Variants in C8orf34 observed in about 807,000 individuals in gnomAD.
C8orf34 encodes uncharacterized protein C8orf34.
Under a neutral mutation model 68.3 loss-of-function variants are expected in C8orf34, and 65 were observed. The observed-to-expected ratio is 0.95, with a 90% CI of 0.78 to 1.17. C8orf34 has a LOEUF of 1.17. Among genes scored for constraint, C8orf34 ranks in the 50% most tolerant of loss-of-function variants. C8orf34 has a pLI of 0.00. For synonymous variants in C8orf34, 244 were observed against 241.2 expected, an observed-to-expected ratio of 1.01 and a Z score of -0.11; for missense variants, 664 against 655.4, an observed-to-expected ratio of 1.01 and a Z score of -0.14.
At chr8:68,743,747 T>C (rs2129527326) in intron 10 of C8orf34, among the ~76,000 whole-genome samples, 1 of 152,208 alleles carries the variant, frequency 6.6e-6, no homozygotes, top group East Asian at 1.9e-4. Context: ...CCACGGAGTC[T>C]CGCTGATTGC....
At chr8:68,593,009 C>T (rs1265996779) in intron 7 of C8orf34, among the ~76,000 whole-genome samples, 2 of 152,132 alleles carry the variant, frequency 1.3e-5, no homozygotes, top group Non-Finnish European at 2.9e-5. Flanking sequence ...CAAGTTACCT[C>T]TGTTAAATGT....
chr8:68,338,083 C>G (rs1267441613), intron 1 of C8orf34, among the ~76,000 whole-genome samples: 1 of 152,140 alleles, frequency 6.6e-6, no homozygotes, highest in African/African-American at 2.4e-5. Context: ...CTTTATTTCT[C>G]ACAGATCTGG....
chr8:68,567,348 G>A (rs1191045692), intron 7 of C8orf34, among the ~76,000 whole-genome samples: 1 of 151,880 alleles, frequency 6.6e-6, no homozygotes, highest in Non-Finnish European at 1.5e-5. Context: ...TTCCAAGCTA[G>A]GAAGGTTGTA....
chr8:68,665,053 C>G (rs565680886), intron 8 of C8orf34, among the ~76,000 whole-genome samples: 13 of 152,130 alleles, frequency 8.5e-5, no homozygotes, highest in Non-Finnish European at 1.9e-4. Flanking sequence ...AACGCTAATT[C>G]TCTTCTCCCA....
chr8:68,482,166 A>T (rs1812886230), intron 4 of C8orf34, among the ~76,000 whole-genome samples: 1 of 152,178 alleles, frequency 6.6e-6, no homozygotes, highest in Non-Finnish European at 1.5e-5. Context: ...TAGGTTTATC[A>T]GGAGTTTCTG....
At chr8:68,709,384 A>G (rs1164483394) in intron 9 of C8orf34, among the ~76,000 whole-genome samples, 1 of 152,214 alleles carries the variant, frequency 6.6e-6, no homozygotes, top group African/African-American at 2.4e-5. Flanking sequence ...ACTTGTCTTT[A>G]GAAACCCACA....
At chr8:68,661,471 C>T (rs1395715736) in intron 8 of C8orf34, among the ~76,000 whole-genome samples, 1 of 152,106 alleles carries the variant, frequency 6.6e-6, no homozygotes, top group East Asian at 1.9e-4. Flanking sequence ...CATGCAGACA[C>T]TTGAAGAGTG....
chr8:68,483,050 C>T (rs1812927893), intron 4 of C8orf34, among the ~76,000 whole-genome samples: 1 of 152,004 alleles, frequency 6.6e-6, no homozygotes, highest in African/African-American at 2.4e-5. Flanking sequence ...TGAATCGAAC[C>T]TACTTTTGTG....
Position 68,395,361 on chromosome 8 carries a change from T to TCA in C8orf34, c.328-44103_328-44102dup, listed in dbSNP as rs61037782. ...CTCTCTCTTTCTCTCTGTGTGTCTC[T>TCA]CACACACACACACACACACACACAC... is the stretch of plus-strand genomic sequence containing the variant. On this transcript the variant is annotated intron_variant, in intron 1 of 13. Coordinates refer to ENST00000518698, the MANE Select transcript of C8orf34 (RefSeq NM_052958.4). 9.1e-3 allele frequency among the ~76,000 whole-genome samples: 710 copies of TCA among 77,758 alleles called. 3 individuals carry two copies. Among genetic ancestry groups the TCA allele is most frequent in the African/African-American group, 0.023 (463 of 20,478 alleles). 51.0% of individuals were successfully genotyped at this position (77,758 alleles called of 152,430 possible).
intron 8 of C8orf34, among the ~76,000 whole-genome samples, chr8:68,670,722 TG>T (rs1332168378): frequency 3.9e-5 from 6 of 152,212 alleles, no homozygotes; most frequent in Non-Finnish European, 2.9e-5. Context: ...GGCCCTTCTT[TG>T]AGTCTCATAT....
Position 68,640,441 on chromosome 8 carries a change from C to T in C8orf34, c.1171C>T (p.Gln391Ter). The change falls in exon 8 of 14, where the codon CAA becomes TAA. Residue 391 changes from glutamine (Q) to a stop codon, truncating the protein, a stop_gained. Transcript: ENST00000518698. LOFTEE classifies it high-confidence loss of function. The stretch of plus-strand genomic sequence containing the variant: ...GGTACCTTCTGGGAGCAAATTTAAC[C>T]AAGGCCGTCCTACTTACCCTGCTGA... Reference protein sequence around the residue: ...TLVPSGSKFNQGRPTYPAEPQ... With the variant: ...TLVPSGSKFN The T allele has an allele frequency of 6.2e-7, 1 of 1,613,756 alleles. No individual in the cohort carries two copies. The highest frequency in any genetic ancestry group is 8.5e-7 in the Non-Finnish European group (1 of 1,179,820).
rs1586201685 is a variant in C8orf34 at position 68,467,558 on chromosome 8, T to C, written c.608-1134T>C. On this transcript the variant is annotated intron_variant, in intron 3 of 13. Transcript: ENST00000518698. ...ACTGCCTTTTGAGACTGTCTTTCAC[T>C]ATCTTCCCGAGAATTCCCTGTTCCT... 2.6e-5 allele frequency among the ~76,000 whole-genome samples: 4 copies of C among 152,110 alleles called. No homozygotes were observed. The Middle Eastern group carries it at 0.014, about 517-fold the overall frequency.
In C8orf34 at chr8:68,526,310, T is replaced by C. The variant is rs551904545; in HGVS notation, c.938+4339T>C. ...AGAGCATGCATTTAATTTCAGATCA[T>C]TGATGAAGTCATCTGGACAGGTTGA... On this transcript the variant is annotated intron_variant, in intron 6 of 13. Coordinates refer to ENST00000518698, the MANE Select transcript of C8orf34 (RefSeq NM_052958.4). 1.8e-4 allele frequency among the ~76,000 whole-genome samples: 28 copies of C among 152,274 alleles called. No homozygotes were observed. The South Asian group carries it at 5.0e-3, about 27-fold the overall frequency.
At chr8:68,526,103 G>A (rs1381156815) in intron 6 of C8orf34, among the ~76,000 whole-genome samples, 1 of 151,648 alleles carries the variant, frequency 6.6e-6, no homozygotes, top group African/African-American at 2.4e-5. Context: ...GACTACAGGT[G>A]TGCCCCACCA....
chr8:68,595,211 CTT>C (rs1817509766), intron 7 of C8orf34, among the ~76,000 whole-genome samples: 1 of 151,106 alleles, frequency 6.6e-6, no homozygotes, highest in South Asian at 2.1e-4. Context: ...TTAGCATCCT[CTT>C]TGATTCATTT....
intron 9 of C8orf34, among the ~76,000 whole-genome samples, chr8:68,711,963 A>G (rs1293768433): frequency 6.6e-6 from 1 of 152,158 alleles, no homozygotes; most frequent in Non-Finnish European, 1.5e-5. Flanking sequence ...ATAAAGGAAA[A>G]CCTATCAGAT....
At chr8:68,753,628 G>GT (rs1822767164) in intron 10 of C8orf34, among the ~76,000 whole-genome samples, 1 of 152,138 alleles carries the variant, frequency 6.6e-6, no homozygotes, top group South Asian at 2.1e-4. Flanking sequence ...GATTTACAAA[G>GT]TAACAGCATA....
chr8:68,768,443 G>A (rs1184196352), intron 10 of C8orf34, among the ~76,000 whole-genome samples: 4 of 152,066 alleles, frequency 2.6e-5, no homozygotes, highest in Admixed American at 2.6e-4. Context: ...TCAGTGGACA[G>A]TTAGTTCTCA....
At chr8:68,813,419 C>T (rs141518428) in intron 12 of C8orf34, among the ~76,000 whole-genome samples, 27 of 152,062 alleles carry the variant, frequency 1.8e-4, no homozygotes, top group African/African-American at 6.0e-4. Context: ...CCTTGCCCCA[C>T]ACTCTAATCA....
Sources: allele counts gnomAD v4.1 joint callset (sites outside exome capture counted in the v4.1 genomes callset), GRCh38; gene constraint gnomAD v4.1.1; transcripts MANE v1.5; gene names NCBI Gene and HGNC (gene_info 2026-07-23, HGNC 2026-07-21).